QDPR: variants seen among roughly 807,000 people sequenced by gnomAD.
QDPR encodes the protein quinoid dihydropteridine reductase.
In QDPR, 23 loss-of-function variants were observed where a neutral mutation model predicts 31.7. The ratio of observed to expected loss-of-function variants is 0.73; its 90% CI spans 0.52 to 1.03. QDPR has a LOEUF of 1.03. Among genes scored for constraint, QDPR ranks in the 50% least tolerant of loss-of-function variants. QDPR has a pLI of 0.00. For synonymous variants in QDPR, 124 were observed against 124.7 expected (o/e 0.99, Z 0.03); for missense variants, 324 against 323.8 (o/e 1.00, Z 0.00).
intron 2 of QDPR, among the ~76,000 whole-genome samples, chr4:17,508,733 G>A (rs927420535): frequency 1.3e-4 from 12 of 90,798 alleles, no homozygotes; most frequent in Admixed American, 6.7e-4. Context: ...AAAGACAATA[G>A]GCCAAAATGT....
chr4:17,505,243 C>CTTT lies in QDPR; in HGVS notation c.199-771_199-769dup, dbSNP rs1230268105. Among the ~76,000 whole-genome samples, 519 of 103,222 alleles carry CTTT rather than the reference C, an allele frequency of 5.0e-3. 2 individuals carry two copies. Among genetic ancestry groups the CTTT allele is most frequent in the Non-Finnish European group, 7.4e-3 (375 of 50,902 alleles). 67.7% of individuals were successfully genotyped at this position (103,222 alleles called of 152,430 possible). ...ATTAAGATCAATCTTCTTAAGATTTCTTTTTTTTTTTTTTTTTTTTTTGAG... is the reference window on the plus strand; with the variant it reads ...ATTAAGATCAATCTTCTTAAGATTTCTTTTTTTTTTTTTTTTTTTTTTTTTGAG... On this transcript the variant is annotated intron_variant, in intron 2 of 6. Coordinates refer to ENST00000281243, the MANE Select transcript of QDPR (RefSeq NM_000320.3).
chr4:17,511,806 G>A (rs1719019450), intron 1 of QDPR, 144 bp downstream of exon 1: 1 of 782,088 alleles, frequency 1.3e-6, no homozygotes, highest in Non-Finnish European at 2.0e-6. Context: ...TAGACGCGTA[G>A]ACCTGTGCGC....
intron 2 of QDPR, among the ~76,000 whole-genome samples, chr4:17,504,777 T>A (rs566787266): frequency 6.7e-6 from 1 of 148,224 alleles, no homozygotes; most frequent in African/African-American, 2.5e-5. Context: ...AGGGAAAGGT[T>A]AAAAAAAAAA....
intron 3 of QDPR, among the ~76,000 whole-genome samples, chr4:17,503,303 A>G (rs1718636209): frequency 6.6e-6 from 1 of 152,226 alleles, no homozygotes; most frequent in Non-Finnish European, 1.5e-5. Flanking sequence ...TGAGTGGAAT[A>G]TGTTTAGGGA....
At chr4:17,498,384 C>A (rs1718440001) in intron 4 of QDPR, among the ~76,000 whole-genome samples, 1 of 152,188 alleles carries the variant, frequency 6.6e-6, no homozygotes, top group East Asian at 1.9e-4. Context: ...ATAACAAACT[C>A]TTCAGTGATT....
At chr4:17,494,850 T>A (rs1183570878) in intron 4 of QDPR, among the ~76,000 whole-genome samples, 1 of 152,212 alleles carries the variant, frequency 6.6e-6, no homozygotes, top group Non-Finnish European at 1.5e-5. Flanking sequence ...TGCTTTTCCA[T>A]CTGTCAGTGG....
At chr4:17,490,229 T>A (rs539457839) in intron 6 of QDPR, 1 of 240,968 alleles carries the variant, frequency 4.1e-6, no homozygotes, top group African/African-American at 2.3e-5. Context: ...CCCTCCCCCA[T>A]GGAGTCTCCT....
At chr4:17,508,887 G>T (rs1173490278) in intron 2 of QDPR, among the ~76,000 whole-genome samples, 1 of 152,096 alleles carries the variant, frequency 6.6e-6, no homozygotes, top group Non-Finnish European at 1.5e-5. Flanking sequence ...GGCCAGGCGC[G>T]GTGGCTCATG....
chr4:17,499,158 A>T (rs895155760), intron 4 of QDPR, among the ~76,000 whole-genome samples: 1 of 152,224 alleles, frequency 6.6e-6, no homozygotes, highest in Non-Finnish European at 1.5e-5. Flanking sequence ...TAAAGGAGAC[A>T]CTATTTTATC....
At chr4:17,507,662 G>C (rs900123218) in intron 2 of QDPR, among the ~76,000 whole-genome samples, 1 of 151,174 alleles carries the variant, frequency 6.6e-6, no homozygotes, top group Non-Finnish European at 1.5e-5. Context: ...GGAGTGCAGT[G>C]GCACAATCTT....
intron 2 of QDPR, among the ~76,000 whole-genome samples, chr4:17,507,616 T>C (rs1268623738): frequency 3.6e-5 from 5 of 139,502 alleles, no homozygotes; most frequent in Non-Finnish European, 7.8e-5. Context: ...TTTTTTTTTT[T>C]GTTTTGAGAC....
At chr4:17,506,060 G>A (rs1312545507) in intron 2 of QDPR, among the ~76,000 whole-genome samples, 1 of 152,112 alleles carries the variant, frequency 6.6e-6, no homozygotes, top group African/African-American at 2.4e-5. Context: ...ACAGAGACCC[G>A]CACCTGGCAG....
At chr4:17,504,227 T>A in intron 3 of QDPR, 152 bp downstream of exon 3, 2 of 709,162 alleles carry the variant, frequency 2.8e-6, no homozygotes, top group Non-Finnish European at 2.6e-6. Flanking sequence ...TAAAATGGAT[T>A]AAGAGCATTA....
intron 4 of QDPR, among the ~76,000 whole-genome samples, chr4:17,500,584 AAGGAGAAGGCAGCCATCTATAAAAAAAG>A (rs1261080740): frequency 6.6e-6 from 1 of 152,198 alleles, no homozygotes; most frequent in African/African-American, 2.4e-5. Context: ...ATGCAGACAA[AAGGAGAAGGCAGCCATCTATAAAAAAAG>A]AGGATTCAGA....
At chr4:17,487,429 C>T (rs1265973423) in intron 6 of QDPR, among the ~76,000 whole-genome samples, 193 bp from the exon 7 acceptor site, 3 of 151,876 alleles carry the variant, frequency 2.0e-5, no homozygotes, top group Non-Finnish European at 2.9e-5. Flanking sequence ...GCGGGCAGAT[C>T]GCTTGAGGTC....
At chr4:17,491,842 G>A (rs577164753) in intron 5 of QDPR, among the ~76,000 whole-genome samples, 39 of 152,048 alleles carry the variant, frequency 2.6e-4, no homozygotes, top group Non-Finnish European at 5.3e-4. Context: ...GACAAGTGGG[G>A]GCCTTTAGGA....
intron 6 of QDPR, among the ~76,000 whole-genome samples, chr4:17,488,320 T>TATA: frequency 6.6e-6 from 1 of 152,126 alleles, no homozygotes; most frequent in Admixed American, 6.5e-5. Flanking sequence ...GAGAGACACA[T>TATA]GCACAATACT....
chr4:17,507,199 T>C (rs1718816715), intron 2 of QDPR, among the ~76,000 whole-genome samples: 1 of 152,104 alleles, frequency 6.6e-6, no homozygotes, highest in Admixed American at 6.6e-5. Context: ...CTTATTAAAG[T>C]TCGTATCTGG....
At chr4:17,508,633 TAAAA>T (rs34858847) in intron 2 of QDPR, among the ~76,000 whole-genome samples, 37 of 127,098 alleles carry the variant, frequency 2.9e-4, no homozygotes, top group African/African-American at 1.0e-3. Flanking sequence ...TATTTAAGTA[TAAAA>T]AAAAAAAAAA....
Sources: gnomAD v4.1 joint callset for allele counts (sites outside exome capture counted in the v4.1 genomes callset) on GRCh38, gnomAD v4.1.1 for gene constraint, MANE v1.5 for transcripts, NCBI Gene and HGNC (gene_info 2026-07-23, HGNC 2026-07-21) for gene names.